The following PCDH15 variants were observed in gnomAD, a reference collection of about 807,000 sequenced individuals.
PCDH15 encodes the protein protocadherin related 15, also known as protocadherin-15.
In PCDH15, 129 loss-of-function variants were observed where a neutral mutation model predicts 178.5. The observed-to-expected ratio is 0.72, with a 90% CI of 0.63 to 0.84. PCDH15 has a LOEUF of 0.84. PCDH15 is among the 40% of genes least tolerant of loss of function. PCDH15 has a pLI of 0.00. For missense variants in PCDH15, 2,230 were observed against 2,099.9 expected, an observed-to-expected ratio of 1.06 and a Z score of -1.21; for synonymous variants, 800 against 732.0, an observed-to-expected ratio of 1.09 and a Z score of -1.50.
At chr10:55,270,736 A>ATTTCTCAAAGAGC (rs1315136061) in intron 1 of PCDH15, among the ~76,000 whole-genome samples, 1 of 152,178 alleles carries the variant, frequency 6.6e-6, no homozygotes, top group Non-Finnish European at 1.5e-5. Flanking sequence ...CAGTGTGGAG[A>ATTTCTCAAAGAGC]TTTCTCAAAG....
chr10:53,890,765 GA>G (rs569213732), intron 26 of PCDH15, among the ~76,000 whole-genome samples: 54 of 151,288 alleles, frequency 3.6e-4, no homozygotes, highest in Non-Finnish European at 7.4e-5. Context: ...GCCTGTTTTT[GA>G]AAAAAAAGGA....
At chr10:54,689,746 C>T (rs954662383) in intron 1 of PCDH15, among the ~76,000 whole-genome samples, 1 of 152,088 alleles carries the variant, frequency 6.6e-6, no homozygotes, top group African/African-American at 2.4e-5. Flanking sequence ...GCTTTTGTCA[C>T]CTATGAAGAC....
At chr10:54,936,314 A>G (rs567032148) in intron 2 of PCDH15, among the ~76,000 whole-genome samples, 1 of 152,052 alleles carries the variant, frequency 6.6e-6, no homozygotes, top group African/African-American at 2.4e-5. Context: ...TCTACTTTTG[A>G]CTATTATGAA....
intron 2 of PCDH15, among the ~76,000 whole-genome samples, chr10:55,446,094 T>C (rs997582385): frequency 6.6e-6 from 1 of 152,120 alleles, no homozygotes; most frequent in Non-Finnish European, 1.5e-5. Flanking sequence ...CATTCCTATA[T>C]GGGGAGTTTC....
chr10:54,599,388 C>CA lies in PCDH15; in HGVS notation c.91+64783dup, dbSNP rs762075247. 2.0e-5 allele frequency among the ~76,000 whole-genome samples: 3 copies of CA among 151,872 alleles called. No homozygotes were observed. In the South Asian group the frequency reaches 6.2e-4, roughly 32 times the overall value. ...ACCATCTGCTCTTTGAGAAAACTGACAAAAAATAAGTAATGGGGAAACAAC... is the reference window on the plus strand; with the variant it reads ...ACCATCTGCTCTTTGAGAAAACTGACAAAAAAATAAGTAATGGGGAAACAAC... On this transcript the variant is annotated intron_variant, in intron 2 of 37. Coordinates refer to ENST00000644397, the MANE Select transcript of PCDH15 (RefSeq NM_001384140.1).
At chr10:54,013,326 A>G (rs2092647422) in intron 20 of PCDH15, among the ~76,000 whole-genome samples, 2 of 152,216 alleles carry the variant, frequency 1.3e-5, no homozygotes, top group African/African-American at 4.8e-5. Flanking sequence ...TCAATACCCC[A>G]TGGACAGTAA....
chr10:54,262,715 C>T (rs1422765580), intron 8 of PCDH15, among the ~76,000 whole-genome samples: 3 of 77,702 alleles, frequency 3.9e-5, no homozygotes, highest in Non-Finnish European at 1.0e-4. Context: ...TATGGGTTCT[C>T]ATGGGGCATG....
At position 55,399,552 on chromosome 10, in the gene PCDH15, T is replaced by C. The variant is rs528206829; in HGVS notation, c.-156+228073A>G. 3.3e-5 allele frequency among the ~76,000 whole-genome samples: 5 copies of C among 152,214 alleles called. No individual in the cohort carries two copies. The East Asian group carries it at 9.7e-4, about 29-fold the overall frequency. ...ACATGACAAATTCTGCTTCAATCCC[T>C]AGAAGGTGTGAGAATCAGAGCAGCA... is the stretch of plus-strand genomic sequence containing the variant. On this transcript the variant is annotated intron_variant, in intron 2 of 5. Coordinates refer to the PCDH15 transcript ENST00000613346.
intron 2 of PCDH15, among the ~76,000 whole-genome samples, chr10:54,558,651 T>A: frequency 6.6e-6 from 1 of 152,116 alleles, no homozygotes; most frequent in East Asian, 1.9e-4. Flanking sequence ...TATTACTACA[T>A]TATCATTCTT....
intron 2 of PCDH15, among the ~76,000 whole-genome samples, chr10:55,104,109 G>T (rs1308365668): frequency 6.6e-6 from 1 of 151,858 alleles, no homozygotes; most frequent in East Asian, 1.9e-4. Flanking sequence ...AATTTCGTTT[G>T]CATAAAACAG....
intron 17 of PCDH15, among the ~76,000 whole-genome samples, chr10:54,074,416 T>C (rs537265522): frequency 6.6e-6 from 1 of 152,308 alleles, no homozygotes; most frequent in East Asian, 1.9e-4. Flanking sequence ...CCATTCTAAG[T>C]ACCAAAATAT....
intron 8 of PCDH15, among the ~76,000 whole-genome samples, chr10:54,294,992 G>T (rs920526): frequency 6.6e-6 from 1 of 151,906 alleles, no homozygotes; most frequent in South Asian, 2.1e-4. Context: ...TTGAAACTGG[G>T]TGATAAATTC....
chr10:54,408,220 G>T (rs1589252512), intron 3 of PCDH15, among the ~76,000 whole-genome samples: 1 of 150,544 alleles, frequency 6.6e-6, no homozygotes, highest in Admixed American at 6.6e-5. Flanking sequence ...ACTATATTTT[G>T]CAGAAGTGTT....
chr10:53,938,680 G>A, intron 25 of PCDH15, 135 bp downstream of exon 25: 1 of 925,398 alleles, frequency 1.1e-6, no homozygotes, highest in South Asian at 1.5e-5. Context: ...TAAACGAATA[G>A]GCAATCATCT....
chr10:53,898,340 C>G (rs567620036), intron 26 of PCDH15, among the ~76,000 whole-genome samples: 152 of 152,220 alleles, frequency 1.0e-3, no homozygotes, highest in South Asian at 2.1e-3. Context: ...AATACATGAT[C>G]AAGTCTTTGG....
chr10:54,520,116 G>GCCTAGGC (rs2082686688), intron 3 of PCDH15, among the ~76,000 whole-genome samples: 1 of 152,126 alleles, frequency 6.6e-6, no homozygotes, highest in African/African-American at 2.4e-5. Context: ...AACCCTAGAA[G>GCCTAGGC]AAAACCTAGG....
chr10:54,274,497 C>G (rs948048143), intron 8 of PCDH15, among the ~76,000 whole-genome samples: 2 of 151,818 alleles, frequency 1.3e-5, no homozygotes, highest in Non-Finnish European at 2.9e-5. Flanking sequence ...GTTTTGTGCT[C>G]CCTGATGTAT....
intron 15 of PCDH15, among the ~76,000 whole-genome samples, chr10:54,128,950 C>G (rs1276375705): frequency 6.6e-6 from 1 of 152,098 alleles, no homozygotes; most frequent in Non-Finnish European, 1.5e-5. Context: ...ACATTCCCAT[C>G]CCTCCAAAAA....
intron 2 of PCDH15, among the ~76,000 whole-genome samples, chr10:55,364,300 C>A (rs1026003803): frequency 6.6e-6 from 1 of 152,080 alleles, no homozygotes; most frequent in African/African-American, 2.4e-5. Flanking sequence ...GTAAGCAAAA[C>A]GGATTAATAC....
Sources: gnomAD v4.1 joint callset for allele counts (sites outside exome capture counted in the v4.1 genomes callset) on GRCh38, gnomAD v4.1.1 for gene constraint, MANE v1.5 for transcripts, NCBI Gene and HGNC (gene_info 2026-07-23, HGNC 2026-07-21) for gene names.